GMDS: variants seen among roughly 807,000 people sequenced by gnomAD.
The protein encoded by GMDS is GDP-mannose 4,6-dehydratase, also known as GDP-mannose 4,6 dehydratase.
A neutral mutation model predicts 49.9 loss-of-function variants in GMDS; 20 were observed. That is an observed-to-expected ratio of 0.40 (90% confidence interval 0.28 to 0.58). GMDS has a LOEUF of 0.58. GMDS is among the 20% of genes least tolerant of loss of function. GMDS has a pLI of 0.42. For missense variants in GMDS, 362 were observed against 481.4 expected, an observed-to-expected ratio of 0.75 and a Z score of 2.32; for synonymous variants, 177 against 178.6, an observed-to-expected ratio of 0.99 and a Z score of 0.07.
intron 1 of GMDS, among the ~76,000 whole-genome samples, chr6:2,181,349 T>C (rs1778521357): frequency 6.6e-6 from 1 of 152,136 alleles, no homozygotes; most frequent in Non-Finnish European, 1.5e-5. Context: ...TTCACCCAAA[T>C]GATCAAAACA....
chr6:2,056,041 A>C (rs533642612), intron 4 of GMDS, among the ~76,000 whole-genome samples: 1 of 152,328 alleles, frequency 6.6e-6, no homozygotes, highest in Admixed American at 6.5e-5. Context: ...CATCAATGTA[A>C]GATAAGATTT....
chr6:2,087,305 G>A (rs1182028125), intron 4 of GMDS, among the ~76,000 whole-genome samples: 1 of 152,076 alleles, frequency 6.6e-6, no homozygotes, highest in African/African-American at 2.4e-5. Context: ...TACTTCTTTT[G>A]TATATGAAAA....
intron 7 of GMDS, among the ~76,000 whole-genome samples, chr6:1,746,593 A>C (rs947992285): frequency 6.6e-6 from 1 of 152,242 alleles, no homozygotes; most frequent in African/African-American, 2.4e-5. Context: ...ATGGGTATAA[A>C]TATTACTTAA....
chr6:2,148,534 C>T (rs1282876487), intron 1 of GMDS, among the ~76,000 whole-genome samples: 1 of 152,164 alleles, frequency 6.6e-6, no homozygotes, highest in East Asian at 1.9e-4. Flanking sequence ...TATTCTCCTG[C>T]CTCAGCCTCT....
intron 1 of GMDS, among the ~76,000 whole-genome samples, chr6:2,237,950 A>C (rs749630864): frequency 4.6e-5 from 7 of 152,220 alleles, no homozygotes; most frequent in Non-Finnish European, 7.3e-5. Flanking sequence ...GGAAAGTGTT[A>C]ATTTTCATGC....
intron 1 of GMDS, among the ~76,000 whole-genome samples, chr6:2,165,357 G>C (rs1287637772): frequency 6.6e-6 from 1 of 152,212 alleles, no homozygotes; most frequent in Non-Finnish European, 1.5e-5. Flanking sequence ...TGAGACCTGA[G>C]AACAGCTGGT....
intron 7 of GMDS, among the ~76,000 whole-genome samples, chr6:1,829,988 C>T (rs1325006769): frequency 6.6e-6 from 1 of 152,188 alleles, no homozygotes; most frequent in African/African-American, 2.4e-5. Flanking sequence ...AGTTATCTTA[C>T]ATAGAGCTGT....
intron 4 of GMDS, among the ~76,000 whole-genome samples, chr6:2,111,272 C>T (rs1043852175): frequency 9.9e-5 from 15 of 152,184 alleles, no homozygotes; most frequent in African/African-American, 3.4e-4. Context: ...GGCAGGACTA[C>T]GCATTGGATA....
intron 4 of GMDS, among the ~76,000 whole-genome samples, chr6:1,992,684 ATCT>A (rs1766028360): frequency 2.0e-5 from 3 of 152,124 alleles, no homozygotes; most frequent in Admixed American, 2.0e-4. Flanking sequence ...AGGATTCATC[ATCT>A]TCTAAAAGAA....
intron 4 of GMDS, among the ~76,000 whole-genome samples, chr6:1,985,168 A>G (rs911198544): frequency 8.5e-5 from 13 of 152,242 alleles, no homozygotes; most frequent in East Asian, 3.8e-4. Context: ...AAAGCTTTAC[A>G]CAAGGGTCTG....
rs549641675 is a variant in GMDS at position 1,635,667 on chromosome 6, G to C, written c.988-11127C>G. Among the ~76,000 whole-genome samples the C allele has an allele frequency of 1.4e-4, 21 of 151,638 alleles. 1 individual carries two copies. Among genetic ancestry groups the C allele is most frequent in the Middle Eastern group, 3.4e-3 (1 of 294 alleles). ...GGGTCTGTGCTGTGCAAAGCCCACC[G>C]GGGGGTGTGGCCCTCAAGTCTGCAG... On this transcript the variant is annotated intron_variant, in intron 9 of 10. Transcript: ENST00000380815. The surrounding 1 kb of genome is among the most constrained non-coding windows in gnomAD (Gnocchi z 4.7).
At chr6:2,111,288 T>C (rs1581664845) in intron 4 of GMDS, among the ~76,000 whole-genome samples, 2 of 152,230 alleles carry the variant, frequency 1.3e-5, no homozygotes, top group Admixed American at 6.5e-5. Context: ...GGATAATTTG[T>C]TCCTACTTGG....
At chr6:1,786,254 A>G (rs1300426358) in intron 7 of GMDS, among the ~76,000 whole-genome samples, 4 of 152,248 alleles carry the variant, frequency 2.6e-5, no homozygotes, top group Non-Finnish European at 5.9e-5. Flanking sequence ...GCAGCCATCA[A>G]TGAGGTTGAT....
intron 9 of GMDS, among the ~76,000 whole-genome samples, chr6:1,703,938 T>C (rs978284560): frequency 1.3e-5 from 2 of 152,226 alleles, no homozygotes; most frequent in Non-Finnish European, 2.9e-5. Context: ...CTTGTAAAAA[T>C]GAATTTAAGA....
rs1399471430 is a variant in GMDS at position 1,778,028 on chromosome 6, C to T, written c.772-35442G>A. Among the ~76,000 whole-genome samples the T allele has an allele frequency of 1.3e-5, 2 of 151,938 alleles. No homozygotes were observed. Among genetic ancestry groups the T allele is most frequent in the African/African-American group, 4.8e-5 (2 of 41,342 alleles). ...ATGGAAATTTCAATAAAGAGGGCCA[C>T]AAAGAAGCATTTGTAAGCTCAGGGG... On this transcript the variant is annotated intron_variant, in intron 7 of 10. Coordinates refer to ENST00000380815, the MANE Select transcript of GMDS (RefSeq NM_001500.4). This position sits in a 1 kb window ranked among gnomAD's most constrained non-coding sequence, Gnocchi z 4.6.
At chr6:2,235,623 C>T (rs1036620160) in intron 1 of GMDS, among the ~76,000 whole-genome samples, 2 of 150,536 alleles carry the variant, frequency 1.3e-5, no homozygotes, top group African/African-American at 4.9e-5. Flanking sequence ...CTGAGCAGCA[C>T]GGCAAGACCC....
chr6:2,240,595 C>G (rs565982456), intron 1 of GMDS, among the ~76,000 whole-genome samples: 1 of 128,224 alleles, frequency 7.8e-6, no homozygotes, highest in Non-Finnish European at 1.6e-5. Flanking sequence ...CAGAATAAGA[C>G]TGTCTCAAAA....
intron 1 of GMDS, among the ~76,000 whole-genome samples, chr6:2,171,048 T>C (rs2127554437): frequency 6.6e-6 from 1 of 152,212 alleles, no homozygotes; most frequent in Non-Finnish European, 1.5e-5. Context: ...TGAAAAAAAT[T>C]ACTACCTTTA....
At chr6:2,242,740 T>C (rs1236554612) in intron 1 of GMDS, among the ~76,000 whole-genome samples, 1 of 152,230 alleles carries the variant, frequency 6.6e-6, no homozygotes, top group Non-Finnish European at 1.5e-5. Context: ...ATGTACGACC[T>C]CAGGGAACAT....
Sources: gnomAD v4.1 joint callset for allele counts (sites outside exome capture counted in the v4.1 genomes callset) on GRCh38, gnomAD v4.1.1 for gene constraint, Gnocchi (gnomAD v3.1) non-coding constraint, MANE v1.5 for transcripts, NCBI Gene and HGNC (gene_info 2026-07-23, HGNC 2026-07-21) for gene names.